SEC14L2: variants seen among roughly 807,000 people sequenced by gnomAD.
SEC14L2 encodes the protein SEC14-like protein 2.
SEC14L2 carries 50 observed loss-of-function variants against 56.9 expected under a neutral mutation model. The observed-to-expected ratio is 0.88, with a 90% CI of 0.70 to 1.11. SEC14L2 has a LOEUF of 1.11. Ranked by LOEUF, SEC14L2 falls within the 50% of genes most tolerant of loss-of-function variation. SEC14L2 has a pLI of 0.00. For synonymous variants in SEC14L2, 179 were observed against 188.5 expected (o/e 0.95, Z 0.41); for missense variants, 414 against 500.7 (o/e 0.83, Z 1.65).
Position 30,423,684 on chromosome 22 carries a change from G to A in SEC14L2, c.*1277G>A, listed in dbSNP as rs1438888866. ...CGGCCCCGTCTGGGAAGCTCATCTT[G>A]CGAAGCTGAGGGAGCTCAGGGCAAA... On this transcript the variant is annotated 3_prime_UTR_variant, in exon 12 of 12. Transcript: ENST00000615189. 1 of 152,392 alleles carries A rather than the reference G, an allele frequency of 6.6e-6. No individual in the cohort carries two copies. Among genetic ancestry groups the A allele is most frequent in the Non-Finnish European group, 1.5e-5 (1 of 68,156 alleles). The allele number at this position is 152,392 out of a possible 1,614,324, so 9.4% of individuals were successfully genotyped here. A position where few individuals can be genotyped will look rare whatever the true frequency, so the allele number is the denominator to read the frequency against.
At chr22:30,397,869 A>T (rs1196601479) in intron 1 of SEC14L2, 2 of 471,020 alleles carry the variant, frequency 4.2e-6, no homozygotes, top group Non-Finnish European at 8.8e-6. Flanking sequence ...GAAGGCAAGA[A>T]GGTGAGCCTG....
chr22:30,408,510 G>C (rs1934160700), intron 5 of SEC14L2, among the ~76,000 whole-genome samples: 2 of 151,844 alleles, frequency 1.3e-5, no homozygotes, highest in African/African-American at 4.8e-5. Context: ...ACTTGAACTT[G>C]GGAAGTCGAG....
intron 2 of SEC14L2, among the ~76,000 whole-genome samples, chr22:30,402,332 C>A (rs1236091132): frequency 6.6e-6 from 1 of 152,150 alleles, no homozygotes; most frequent in East Asian, 1.9e-4. Context: ...TTCTGAGAGC[C>A]ACTGAACAGC....
At chr22:30,399,759 G>A (rs1365775934) in intron 2 of SEC14L2, 41 bp downstream of exon 2, 2 of 1,569,508 alleles carry the variant, frequency 1.3e-6, no homozygotes, top group Non-Finnish European at 8.7e-7. Flanking sequence ...GCAGGGGCTT[G>A]TTCTGGGCAA....
rs533322616 is a variant in SEC14L2 at position 30,413,727 on chromosome 22, T to A, written c.665-2032T>A. Among the ~76,000 whole-genome samples, 11 of 151,644 alleles carry A rather than the reference T, an allele frequency of 7.3e-5. No individual in the cohort carries two copies. In the East Asian group the frequency reaches 2.1e-3, roughly 29 times the overall value. ...ATGTATGCTAGTGAGACCCGGGGAG[T>A]GAAGTGAACTCATCAGGGAAGTGTA... On this transcript the variant is annotated intron_variant, in intron 8 of 11. Transcript: ENST00000615189.
chr22:30,406,210 G>A lies in SEC14L2; in HGVS notation c.131-132G>A, dbSNP rs1011651407. The A allele has an allele frequency of 1.6e-5, 12 of 771,014 alleles. No homozygotes were observed. In the African/African-American group the frequency reaches 2.1e-4, roughly 13 times the overall value. The allele number at this position is 771,014 out of a possible 1,614,324, so 47.8% of individuals were successfully genotyped here. On this transcript the variant is annotated intron_variant, in intron 2 of 11. Coordinates refer to ENST00000615189, the MANE Select transcript of SEC14L2 (RefSeq NM_012429.5). ...GCTCTCATGTTAGCTTCTGCTTGTA[G>A]GATGGTCTGAGGGTTAGCTGGAGAG...
chr22:30,397,416 G>A (rs573180957), intron 1 of SEC14L2: 1 of 489,150 alleles, frequency 2.0e-6, no homozygotes, highest in East Asian at 3.6e-5. Context: ...GTGCCACCTG[G>A]GGACAAGTGG....
intron 1 of SEC14L2, among the ~76,000 whole-genome samples, chr22:30,399,233 T>C (rs1042647638): frequency 1.3e-5 from 2 of 152,050 alleles, no homozygotes; most frequent in East Asian, 1.9e-4. Flanking sequence ...AGAAGTCCAG[T>C]TGGCCGGGCG....
chr22:30,407,575 T>C lies in SEC14L2; in HGVS notation c.395T>C (p.Leu132Pro). The change falls in exon 5 of 12, where the codon CTG becomes CCG. Residue 132 changes from leucine (L) to proline (P), a missense_variant. Transcript: ENST00000615189. ...AAGATGCGGGAGTGTGAGCTGCTTC[T>C]GCAAGAGTGTGCCCACCAGACCACA... ...RTKMRECELL[L>P]QECAHQTTKL... 1.9e-6 allele frequency: 3 copies of C among 1,614,090 alleles called. No individual in the cohort carries two copies. Among genetic ancestry groups the C allele is most frequent in the Non-Finnish European group, 2.5e-6 (3 of 1,180,000 alleles).
chr22:30,414,753 C>G (rs1934341741), intron 8 of SEC14L2, among the ~76,000 whole-genome samples: 1 of 149,316 alleles, frequency 6.7e-6, no homozygotes, highest in South Asian at 2.1e-4. Flanking sequence ...CAGGAAGGAG[C>G]TTGGGTATTT....
rs777499762 is a variant in SEC14L2 at position 30,409,302 on chromosome 22, A to AGGAAGGGGACAGAG, written c.519+30_519+43dup. 6.6e-7 allele frequency: 1 copy of AGGAAGGGGACAGAG among 1,519,130 alleles called. No homozygotes were observed. Among genetic ancestry groups the AGGAAGGGGACAGAG allele is most frequent in the Non-Finnish European group, 9.1e-7 (1 of 1,097,236 alleles). 94.1% of individuals were successfully genotyped at this position (1,519,130 alleles called of 1,614,324 possible). On this transcript the variant is annotated intron_variant, in intron 6 of 11. Coordinates refer to ENST00000615189, the MANE Select transcript of SEC14L2 (RefSeq NM_012429.5). ...GGAGAGGTGAGGGGCAGGGGTGGGG[A>AGGAAGGGGACAGAG]GGAAGGGGACAGAGGGAAGGGGAGG... is the stretch of plus-strand genomic sequence containing the variant.
At position 30,424,340 on chromosome 22, in the gene SEC14L2, C is replaced by G. The variant is rs543807051; in HGVS notation, c.*1933C>G. ...CATCAACTTTTCTCCCACCCACCAC[C>G]CTCCCCAACCTACAAGCCCAGCTCA... On this transcript the variant is annotated 3_prime_UTR_variant, in exon 12 of 12. Transcript: ENST00000615189. 6.1e-6 allele frequency: 1 copy of G among 163,754 alleles called. No homozygotes were observed. Among genetic ancestry groups the G allele is most frequent in the Non-Finnish European group, 1.4e-5 (1 of 73,844 alleles). 10.1% of individuals were successfully genotyped at this position (163,754 alleles called of 1,614,324 possible). A position where few individuals can be genotyped will look rare whatever the true frequency, so the allele number is the denominator to read the frequency against.
chr22:30,412,823 C>CA (rs56684429), intron 8 of SEC14L2, among the ~76,000 whole-genome samples: 1,866 of 63,574 alleles, frequency 0.029, 21 homozygotes, highest in African/African-American at 0.071. Context: ...AACCCTGTCT[C>CA]AAAAAAAAAA....
At chr22:30,413,633 G>T (rs1246668596) in intron 8 of SEC14L2, among the ~76,000 whole-genome samples, 2 of 152,158 alleles carry the variant, frequency 1.3e-5, no homozygotes, top group Non-Finnish European at 2.9e-5. Flanking sequence ...TTGGGGGTAG[G>T]TAAGAGGGAT....
chr22:30,407,351 C>T (rs760880729), intron 4 of SEC14L2, 64 bp from the exon 5 acceptor site: 1 of 1,561,978 alleles, frequency 6.4e-7, no homozygotes, highest in East Asian at 2.3e-5. Flanking sequence ...TGGAGTAAGG[C>T]CCTGTGGTCC....
chr22:30,413,636 A>G (rs1934311071), intron 8 of SEC14L2, among the ~76,000 whole-genome samples: 1 of 152,168 alleles, frequency 6.6e-6, no homozygotes, highest in African/African-American at 2.4e-5. Flanking sequence ...GGGGTAGGTA[A>G]GAGGGATTCT....
chr22:30,408,167 C>A (rs185531917), intron 5 of SEC14L2, among the ~76,000 whole-genome samples: 1 of 151,402 alleles, frequency 6.6e-6, no homozygotes, highest in African/African-American at 2.4e-5. Flanking sequence ...AAACTCACTA[C>A]ATTATTGTTA....
Position 30,424,423 on chromosome 22 carries a change from A to C in SEC14L2, c.*2016A>C, listed in dbSNP as rs1934614210. The C allele has an allele frequency of 3.0e-6, 1 of 338,140 alleles. No individual in the cohort carries two copies. Among genetic ancestry groups the C allele is most frequent in the African/African-American group, 2.2e-5 (1 of 46,342 alleles). The allele number at this position is 338,140 out of a possible 1,614,324, so 20.9% of individuals were successfully genotyped here. A position where few individuals can be genotyped will look rare whatever the true frequency, so the allele number is the denominator to read the frequency against. The stretch of plus-strand genomic sequence containing the variant: ...ACAGCCCTACAAGACAGAGGCGCCT[A>C]GGGCTGAAAGCGGGGGCCTCCGTAG... On this transcript the variant is annotated 3_prime_UTR_variant, in exon 12 of 12. Coordinates refer to ENST00000615189, the MANE Select transcript of SEC14L2 (RefSeq NM_012429.5).
chr22:30,403,347 G>A (rs1933993577), intron 2 of SEC14L2, among the ~76,000 whole-genome samples: 1 of 152,226 alleles, frequency 6.6e-6, no homozygotes. Flanking sequence ...GGATCAGAGA[G>A]CAGGATAAAA....
Sources: gnomAD v4.1 joint callset for allele counts (sites outside exome capture counted in the v4.1 genomes callset) on GRCh38, gnomAD v4.1.1 for gene constraint, MANE v1.5 for transcripts, NCBI Gene and HGNC (gene_info 2026-07-23, HGNC 2026-07-21) for gene names.